KCNMA1: variants seen among roughly 807,000 people sequenced by gnomAD.
The protein encoded by KCNMA1 is Calcium-activated potassium channel subunit alpha-1.
KCNMA1 carries 29 observed loss-of-function variants against 140.0 expected under a neutral mutation model. That is an observed-to-expected ratio of 0.21 (90% CI 0.15 to 0.28). The LOEUF (loss-of-function observed/expected upper bound fraction) is 0.28. Among genes scored for constraint, KCNMA1 ranks in the 10% least tolerant of loss-of-function variants. KCNMA1 has a pLI of 1.00. For missense variants in KCNMA1, 880 were observed against 1,602.2 expected (o/e 0.55, Z 7.70); for synonymous variants, 612 against 611.9 (o/e 1.00, Z 0.00).
intron 1 of KCNMA1, among the ~76,000 whole-genome samples, chr10:77,567,790 T>G (rs1187371105): frequency 6.6e-6 from 1 of 152,154 alleles, no homozygotes; most frequent in Non-Finnish European, 1.5e-5. Context: ...TAAATTATTT[T>G]TTTTAAAAAA....
chr10:77,319,107 A>G (rs898609366), intron 2 of KCNMA1, among the ~76,000 whole-genome samples: 5 of 152,224 alleles, frequency 3.3e-5, no homozygotes, highest in African/African-American at 7.2e-5. Flanking sequence ...TTTATAAGCT[A>G]GGAGGAAAAA....
intron 1 of KCNMA1, among the ~76,000 whole-genome samples, chr10:77,572,596 AT>A (rs2071989667): frequency 9.4e-6 from 1 of 106,134 alleles, no homozygotes; most frequent in Non-Finnish European, 1.9e-5. Flanking sequence ...ATATATATAT[AT>A]ATATATAAAT....
chr10:76,962,412 C>T (rs2071934350), intron 20 of KCNMA1, among the ~76,000 whole-genome samples: 2 of 152,172 alleles, frequency 1.3e-5, no homozygotes, highest in South Asian at 4.1e-4. Flanking sequence ...TTAAGGGCAT[C>T]CTACAGTGGT....
intron 6 of KCNMA1, 40 bp from the exon 7 acceptor site, chr10:77,112,482 G>A: frequency 6.5e-7 from 1 of 1,527,370 alleles, no homozygotes; most frequent in Non-Finnish European, 9.1e-7. Context: ...ACGTTACCAA[G>A]GGAAGGCCCT....
intron 19 of KCNMA1, among the ~76,000 whole-genome samples, chr10:76,998,660 T>C (rs1053885149): frequency 1.3e-5 from 2 of 152,158 alleles, no homozygotes; most frequent in Non-Finnish European, 2.9e-5. Context: ...CCTCTACATT[T>C]CACATCTGTT....
intron 5 of KCNMA1, among the ~76,000 whole-genome samples, chr10:77,145,542 A>T (rs2098273471): frequency 6.6e-6 from 1 of 152,156 alleles, no homozygotes; most frequent in Non-Finnish European, 1.5e-5. Context: ...TTGTCTCTGA[A>T]GTCATAGATC....
chr10:77,011,866 CTCTCGATGTTTAGTGTT>C, intron 18 of KCNMA1, 84 bp downstream of exon 18: 1 of 1,007,454 alleles, frequency 9.9e-7, no homozygotes, highest in Non-Finnish European at 1.6e-6. Flanking sequence ...CTCAAGAAAA[CTCTCGATGTTTAGTGTT>C]TCTCTAATAA....
In KCNMA1 at chr10:76,885,369, A is replaced by G. The variant is rs1241991616; in HGVS notation, c.*1897T>C. 1.0e-6 allele frequency: 1 copy of G among 984,764 alleles called. No individual in the cohort carries two copies. The highest frequency in any genetic ancestry group is 1.2e-6 in the Non-Finnish European group (1 of 829,660). The allele number at this position is 984,764 out of a possible 1,614,324, so 61.0% of individuals were successfully genotyped here. A position where few individuals can be genotyped will look rare whatever the true frequency, so the allele number is the denominator to read the frequency against. On this transcript the variant is annotated 3_prime_UTR_variant, in exon 28 of 28. Coordinates refer to ENST00000286628, the MANE Select transcript of KCNMA1 (RefSeq NM_001161352.2). ...AGGGCTTGATAATTTACATGTATAC[A>G]ATTATTCCCCACCACAATACTGGTT...
At chr10:77,029,928 T>C (rs546477260) in intron 15 of KCNMA1, among the ~76,000 whole-genome samples, 3 of 152,334 alleles carry the variant, frequency 2.0e-5, no homozygotes, top group Admixed American at 2.0e-4. Flanking sequence ...GCAAGGAGTC[T>C]ACAGCTTATT....
chr10:76,914,751 T>A, intron 24 of KCNMA1, 185 bp downstream of exon 24: 1 of 560,746 alleles, frequency 1.8e-6, no homozygotes, highest in South Asian at 1.9e-5. Context: ...AGAAGAAAGA[T>A]AGATCAGTTT....
chr10:77,426,647 T>A (rs2097002496), intron 1 of KCNMA1, among the ~76,000 whole-genome samples: 1 of 152,200 alleles, frequency 6.6e-6, no homozygotes, highest in Non-Finnish European at 1.5e-5. Context: ...CCCACTTTCT[T>A]GACAAATGGT....
At position 76,887,018 on chromosome 10, in the gene KCNMA1, T is replaced by C; in HGVS notation, c.*248A>G. The C allele has an allele frequency of 7.4e-7, 1 of 1,348,576 alleles. No homozygotes were observed. The highest frequency in any genetic ancestry group is 1.4e-5 in the South Asian group (1 of 69,894). The allele number at this position is 1,348,576 out of a possible 1,614,324, so 83.5% of individuals were successfully genotyped here. The stretch of plus-strand genomic sequence containing the variant: ...AGCTATTTATGTCTGGAGCATGCCT[T>C]TGGGTTATTTTTCCCCCAGAATCAT... On this transcript the variant is annotated 3_prime_UTR_variant, in exon 28 of 28. Coordinates refer to ENST00000286628, the MANE Select transcript of KCNMA1 (RefSeq NM_001161352.2).
chr10:77,268,633 C>G (rs377363833), intron 2 of KCNMA1, among the ~76,000 whole-genome samples: 46 of 152,198 alleles, frequency 3.0e-4, no homozygotes, highest in African/African-American at 1.1e-3. Flanking sequence ...TTCTCAAGAT[C>G]GCTTCCCGGT....
At chr10:77,523,129 T>A (rs114474978) in intron 1 of KCNMA1, among the ~76,000 whole-genome samples, 158 of 151,870 alleles carry the variant, frequency 1.0e-3, no homozygotes, top group African/African-American at 3.6e-3. Flanking sequence ...GTCAAGCTCA[T>A]GCATAGCTTA....
At chr10:77,225,291 A>G (rs974882733) in intron 3 of KCNMA1, among the ~76,000 whole-genome samples, 6 of 152,178 alleles carry the variant, frequency 3.9e-5, no homozygotes, top group African/African-American at 1.4e-4. Context: ...TCTTGAGCAC[A>G]TCCATTTCCT....
intron 25 of KCNMA1, among the ~76,000 whole-genome samples, chr10:76,908,435 C>A (rs1394714658): frequency 6.6e-6 from 1 of 152,220 alleles, no homozygotes; most frequent in East Asian, 1.9e-4. Flanking sequence ...AGACGAATGT[C>A]ATTTCACAGT....
At chr10:77,431,679 T>G (rs1450941628) in intron 1 of KCNMA1, among the ~76,000 whole-genome samples, 1 of 108,338 alleles carries the variant, frequency 9.2e-6, no homozygotes, top group Non-Finnish European at 1.8e-5. Flanking sequence ...TCTGGTCTGT[T>G]GTAAAAAAAA....
chr10:77,126,634 C>T (rs930259913), intron 5 of KCNMA1, among the ~76,000 whole-genome samples: 13 of 152,146 alleles, frequency 8.5e-5, no homozygotes, highest in African/African-American at 3.1e-4. Context: ...AGGCTCAGAG[C>T]TAGTCCCTTC....
At chr10:77,466,593 A>G (rs935834307) in intron 1 of KCNMA1, among the ~76,000 whole-genome samples, 1 of 152,228 alleles carries the variant, frequency 6.6e-6, no homozygotes, top group Admixed American at 6.5e-5. Context: ...ATTGTAATCA[A>G]CTACAAGAAA....
Sources: gnomAD v4.1 joint callset for allele counts (sites outside exome capture counted in the v4.1 genomes callset) on GRCh38, gnomAD v4.1.1 for gene constraint, MANE v1.5 for transcripts, NCBI Gene and HGNC (gene_info 2026-07-23, HGNC 2026-07-21) for gene names.